The following PRUNE2 variants were observed in gnomAD, a reference collection of about 807,000 sequenced individuals.
PRUNE2 encodes protein prune homolog 2.
In PRUNE2, 164 loss-of-function variants were observed where a neutral mutation model predicts 252.0. The observed-to-expected ratio is 0.65, with a 90% confidence interval of 0.57 to 0.74. PRUNE2 has a LOEUF of 0.74. Among genes scored for constraint, PRUNE2 ranks in the 30% least tolerant of loss-of-function variants. The pLI, the probability that PRUNE2 is intolerant of heterozygous loss-of-function variation, is 0.00. For synonymous variants in PRUNE2, 1,292 were observed against 1,350.2 expected, an observed-to-expected ratio of 0.96 and a Z score of 0.94; for missense variants, 3,495 against 3,711.0, an observed-to-expected ratio of 0.94 and a Z score of 1.51.
rs115939815 is a variant in PRUNE2 at position 76,724,514 on chromosome 9, G to C, written c.757-10793C>G. ...AAAAAGAACTTCTTGAAATGAAGTG[G>C]GCTGATTTCAGGCACACCTCAAATA... is the stretch of plus-strand genomic sequence containing the variant. On this transcript the variant is annotated intron_variant, in intron 6 of 18. Coordinates refer to ENST00000376718, the MANE Select transcript of PRUNE2 (RefSeq NM_015225.3). Among the ~76,000 whole-genome samples the C allele has an allele frequency of 4.0e-3, 611 of 151,906 alleles. 5 individuals carry two copies. The highest frequency in any genetic ancestry group is 0.014 in the African/African-American group (593 of 41,438).
chr9:76,727,109 A>G (rs569913593), intron 6 of PRUNE2, among the ~76,000 whole-genome samples: 108 of 152,346 alleles, frequency 7.1e-4, no homozygotes, highest in African/African-American at 2.5e-3. Context: ...CTTGTACCTT[A>G]TAGGGTGTTT....
chr9:76,788,066 A>G (rs2055184714), intron 6 of PRUNE2, among the ~76,000 whole-genome samples: 1 of 152,156 alleles, frequency 6.6e-6, no homozygotes, highest in Non-Finnish European at 1.5e-5. Flanking sequence ...TTCTGAAGCC[A>G]TTACCAGCAA....
chr9:76,631,083 C>T (rs542164318), intron 15 of PRUNE2, among the ~76,000 whole-genome samples: 75 of 152,274 alleles, frequency 4.9e-4, no homozygotes, highest in Middle Eastern at 3.4e-3. Flanking sequence ...TGTGAACAAC[C>T]GTCCTCTCCA....
At chr9:76,632,480 C>G (rs923286611) in intron 15 of PRUNE2, among the ~76,000 whole-genome samples, 2 of 152,118 alleles carry the variant, frequency 1.3e-5, no homozygotes, top group Non-Finnish European at 2.9e-5. Flanking sequence ...AAAGACGGAG[C>G]CTATCATTTC....
In PRUNE2 at chr9:76,644,894, T is replaced by C; in HGVS notation, c.8573A>G (p.Lys2858Arg). ...AGACTCTGACTCTTGGCCAGAATCT[T>C]TGTTGGCTGTGGGATCTTCTGGAAA... ...EYTGHDPTAN[K>R]DSGQESESIP... Residue 2858 changes from lysine to arginine, a missense_variant, in exon 12 of 19, where the codon AAA (lysine) becomes AGA (arginine). By Grantham distance (26) the Lys-to-Arg change is conservative. Transcript: ENST00000376718. The C allele has an allele frequency of 6.2e-7, 1 of 1,613,532 alleles. No individual in the cohort carries two copies. The highest frequency in any genetic ancestry group is 1.1e-5 in the South Asian group (1 of 91,022).
At chr9:76,624,239 A>G (rs1261271948) in intron 17 of PRUNE2, among the ~76,000 whole-genome samples, 1 of 152,234 alleles carries the variant, frequency 6.6e-6, no homozygotes, top group Non-Finnish European at 1.5e-5. Context: ...AACAACAGTG[A>G]CAAATACATT....
At chr9:76,654,238 G>A (rs953270518) in intron 10 of PRUNE2, among the ~76,000 whole-genome samples, 5 of 152,136 alleles carry the variant, frequency 3.3e-5, no homozygotes, top group African/African-American at 9.7e-5. Flanking sequence ...TCCTAAGCAC[G>A]AAATATTTTG....
chr9:76,651,916 A>C (rs1476092338), intron 11 of PRUNE2: 1 of 152,240 alleles, frequency 6.6e-6, no homozygotes, highest in Non-Finnish European at 1.5e-5. Flanking sequence ...AATTAGTGAT[A>C]CGTGGAAAAT....
chr9:76,704,182 AT>A, intron 8 of PRUNE2, 83 bp from the exon 9 acceptor site: 4 of 753,528 alleles, frequency 5.3e-6, no homozygotes, highest in Non-Finnish European at 5.8e-6. Flanking sequence ...GCAAATGATC[AT>A]CTAAAAGAGG....
intron 9 of PRUNE2, among the ~76,000 whole-genome samples, chr9:76,702,404 C>A (rs768364901): frequency 6.6e-6 from 1 of 152,116 alleles, no homozygotes; most frequent in South Asian, 2.1e-4. Flanking sequence ...TGACTTTCCC[C>A]GTTACTTAAG....
chr9:76,667,475 T>C (rs2040426972), intron 9 of PRUNE2, among the ~76,000 whole-genome samples: 1 of 152,104 alleles, frequency 6.6e-6, no homozygotes, highest in African/African-American at 2.4e-5. Flanking sequence ...GATTTACACT[T>C]TGGGAAGACT....
chr9:76,623,566 T>G (rs1396521130), intron 17 of PRUNE2, among the ~76,000 whole-genome samples: 2 of 152,220 alleles, frequency 1.3e-5, no homozygotes, highest in African/African-American at 4.8e-5. Flanking sequence ...GTGCTGGGAT[T>G]ACAGGGGTCT....
At chr9:76,761,348 C>G (rs2051710817) in intron 6 of PRUNE2, among the ~76,000 whole-genome samples, 1 of 152,100 alleles carries the variant, frequency 6.6e-6, no homozygotes, top group Admixed American at 6.5e-5. Flanking sequence ...AGGGGTGATG[C>G]ATCTGTGAGG....
At chr9:76,693,830 T>C (rs894318561) in intron 9 of PRUNE2, among the ~76,000 whole-genome samples, 1 of 152,210 alleles carries the variant, frequency 6.6e-6, no homozygotes, top group Non-Finnish European at 1.5e-5. Context: ...TACAAAATTC[T>C]TCATAATTAT....
chr9:76,851,134 G>A (rs2059931749), intron 2 of PRUNE2, among the ~76,000 whole-genome samples: 1 of 152,074 alleles, frequency 6.6e-6, no homozygotes, highest in African/African-American at 2.4e-5. Context: ...AATTGAGGCA[G>A]GGTGGGTGGG....
intron 9 of PRUNE2, among the ~76,000 whole-genome samples, chr9:76,678,114 A>T (rs1207494790): frequency 6.6e-6 from 1 of 152,110 alleles, no homozygotes; most frequent in East Asian, 1.9e-4. Flanking sequence ...TCATGCCTGT[A>T]ATCCCAGCAC....
Position 76,705,416 on chromosome 9 carries a change from T to C in PRUNE2, c.6858A>G (p.Leu2286=). The part of the protein sequence containing the change: ...ENPALVPDAL[L]ASDTCLDISE... The stretch of plus-strand genomic sequence containing the variant: ...TTATATCCAGACAAGTGTCTGAGGC[T>C]AGCAAAGCATCAGGAACCAAGGCAG... The change falls in exon 8 of 19, where the codon CTA becomes CTG. Residue 2286 remains leucine (L), a synonymous_variant. Transcript: ENST00000376718. The C allele has an allele frequency of 6.2e-7, 1 of 1,613,980 alleles. No individual in the cohort carries two copies. Among genetic ancestry groups the C allele is most frequent in the South Asian group, 1.1e-5 (1 of 91,076 alleles).
rs935046114 is a variant in PRUNE2 at position 76,746,578 on chromosome 9, G to A, written c.757-32857C>T. Among the ~76,000 whole-genome samples, 27 of 151,502 alleles carry A rather than the reference G, an allele frequency of 1.8e-4. 1 individual carries two copies. Among genetic ancestry groups the A allele is most frequent in the Non-Finnish European group, 2.9e-4 (20 of 67,842 alleles). ...AAATTAGCCGGGCGCGGTGGCGGGC[G>A]CCTGTAGTCCCAGCTACTGGGGAGG... On this transcript the variant is annotated intron_variant, in intron 6 of 18. Transcript: ENST00000376718.
At chr9:76,641,816 G>T in intron 12 of PRUNE2, 1 of 850,676 alleles carries the variant, frequency 1.2e-6, no homozygotes, top group Non-Finnish European at 1.8e-6. Context: ...GGCATGAAAG[G>T]GATGTAACAC....
Sources: gnomAD v4.1 joint callset for allele counts (sites outside exome capture counted in the v4.1 genomes callset) on GRCh38, gnomAD v4.1.1 for gene constraint, MANE v1.5 for transcripts, NCBI Gene and HGNC (gene_info 2026-07-23, HGNC 2026-07-21) for gene names.